TTYH1: variants seen among roughly 807,000 people sequenced by gnomAD.
The protein encoded by TTYH1 is tweety family member 1, also known as protein tweety homolog 1.
Under a neutral mutation model 61.2 loss-of-function variants are expected in TTYH1, and 33 were observed. The ratio of observed to expected loss-of-function variants is 0.54; its 90% confidence interval spans 0.41 to 0.72. The LOEUF is 0.72. Among genes scored for constraint, TTYH1 ranks in the 30% least tolerant of loss-of-function variants. The pLI, the probability that TTYH1 is intolerant of heterozygous loss-of-function variation, is 0.00. For synonymous variants in TTYH1, 308 were observed against 266.4 expected (o/e 1.16, Z -1.52); for missense variants, 538 against 575.8 (o/e 0.93, Z 0.67).
rs1182859841 is a variant in TTYH1, at chr19:54,429,731, TGGG to T, written c.808-149_808-147del. ...CCCTGAGTCTGAGGGACGAGGGGCC[TGGG>T]GCCTGGACTCCTGAGTCTGAGGGAA... is the stretch of plus-strand genomic sequence containing the variant. On this transcript the variant is annotated intron_variant, in intron 6 of 13. Transcript: ENST00000376530. The surrounding 1 kb of genome is among the most constrained non-coding windows in gnomAD (Gnocchi z 5.1). 1.5e-6 allele frequency: 1 copy of T among 675,778 alleles called. No individual in the cohort carries two copies. The highest frequency in any genetic ancestry group is 1.9e-5 in the African/African-American group (1 of 53,254). The allele number at this position is 675,778 out of a possible 1,614,324, so 41.9% of individuals were successfully genotyped here.
chr19:54,416,584 CGTCTTGG>C lies in TTYH1; in HGVS notation c.126+909_126+915del, dbSNP rs1819375238. 2 of 410,226 alleles carry C rather than the reference CGTCTTGG, an allele frequency of 4.9e-6. No homozygotes were observed. Among genetic ancestry groups the C allele is most frequent in the East Asian group, 2.0e-4 (2 of 10,100 alleles). 25.4% of individuals were successfully genotyped at this position (410,226 alleles called of 1,614,324 possible). ...TGATGGGGCCTGAGCCCCTGGGCTCCGTCTTGGGTTGCTCCTGGGAGAAGGGGGCTGG... is the reference window on the plus strand; with the variant it reads ...TGATGGGGCCTGAGCCCCTGGGCTCCGTTGCTCCTGGGAGAAGGGGGCTGG... On this transcript the variant is annotated intron_variant, in intron 1 of 13. Transcript: ENST00000376530. This position sits in a 1 kb window ranked among gnomAD's most constrained non-coding sequence, Gnocchi z 7.0.
At chr19:54,417,028 AC>A in intron 1 of TTYH1, 1 of 1,101,466 alleles carries the variant, frequency 9.1e-7, no homozygotes, top group Non-Finnish European at 1.1e-6. Context: ...GGCAAGGGGG[AC>A]CCCTGCAGGG....
At chr19:54,426,203 G>C (rs189484937) in intron 4 of TTYH1, among the ~76,000 whole-genome samples, 2 of 152,184 alleles carry the variant, frequency 1.3e-5, no homozygotes, top group Admixed American at 6.6e-5. Flanking sequence ...GAGAGGCTAA[G>C]GTTACCGAGA....
At position 54,421,325 on chromosome 19, in the gene TTYH1, G is replaced by A; in HGVS notation, c.354G>A (p.Gly118=). 2 of 1,613,810 alleles carry A rather than the reference G, an allele frequency of 1.2e-6. No individual in the cohort carries two copies. Among genetic ancestry groups the A allele is most frequent in the Non-Finnish European group, 1.7e-6 (2 of 1,179,838 alleles). ...GFYGNSETSD[G]VSQLSSALLH... is the part of the protein sequence containing the mutation. ...ATGGCAACAGTGAGACCAGTGATGG[G>A]GTGTCCCAGCTCAGCTCTGCGCTGC... The change falls in exon 3 of 14, where the codon GGG becomes GGA. Residue 118 remains glycine, a synonymous_variant. Transcript: ENST00000376530. The surrounding 1 kb of genome is among the most constrained non-coding windows in gnomAD (Gnocchi z 4.8).
In TTYH1 at chr19:54,430,559, G is replaced by A. The variant is rs2083415793; in HGVS notation, c.893G>A (p.Ser298Asn). ...CCTCCTCCCACTTCAGACATCCTGAGCTATTATCTCCTCTGCAACCGGGCC... is the reference window on the plus strand; with the variant it reads ...CCTCCTCCCACTTCAGACATCCTGAACTATTATCTCCTCTGCAACCGGGCC... ...EETGLSSDILSYYLLCNRAVS... is the reference protein window; with the variant it reads ...EETGLSSDILNYYLLCNRAVS... Residue 298 changes from serine (S) to asparagine (N), a missense_variant, in exon 8 of 14, where the codon AGC becomes AAC. This residue lies in a region of TTYH1 where 378 missense variants were observed against 401.2 expected (regional missense o/e 0.94). Transcript: ENST00000376530. 3.7e-6 allele frequency: 6 copies of A among 1,613,856 alleles called. No individual in the cohort carries two copies. Among genetic ancestry groups the A allele is most frequent in the African/African-American group, 1.3e-5 (1 of 74,868 alleles).
chr19:54,435,789 C>T (rs2083535639), intron 11 of TTYH1, 39 bp from the exon 12 acceptor site: 1 of 1,613,630 alleles, frequency 6.2e-7, no homozygotes, highest in Non-Finnish European at 8.5e-7. Flanking sequence ...TGATGGGTCC[C>T]CATCCCGCCT....
Position 54,429,851 on chromosome 19 carries a change from G to C in TTYH1, c.808-31G>C, listed in dbSNP as rs908320693. ...GAGTGTGGAATCGGGGCAGTTTTGG[G>C]TTTGAGCCCCTTTTCTGCTGCCTCA... On this transcript the variant is annotated intron_variant, in intron 6 of 13. Coordinates refer to ENST00000376530, the MANE Select transcript of TTYH1 (RefSeq NM_020659.4). The surrounding 1 kb of genome is among the most constrained non-coding windows in gnomAD (Gnocchi z 5.1). The C allele has an allele frequency of 3.1e-6, 5 of 1,608,748 alleles. No individual in the cohort carries two copies. In the African/African-American group the frequency reaches 5.4e-5, roughly 17 times the overall value.
chr19:54,424,546 T>C (rs1569258170), intron 4 of TTYH1, among the ~76,000 whole-genome samples: 1 of 152,178 alleles, frequency 6.6e-6, no homozygotes, highest in Non-Finnish European at 1.5e-5. Context: ...GGTTCTGCAT[T>C]GTGGTCAGGC....
chr19:54,417,576 A>G (rs185430523), intron 1 of TTYH1, among the ~76,000 whole-genome samples: 77 of 152,172 alleles, frequency 5.1e-4, no homozygotes, highest in Middle Eastern at 3.4e-3. Flanking sequence ...CTCACAACAC[A>G]CACATACACA....
chr19:54,425,635 C>T (rs1272482917), intron 4 of TTYH1, among the ~76,000 whole-genome samples: 1 of 152,146 alleles, frequency 6.6e-6, no homozygotes, highest in Non-Finnish European at 1.5e-5. Context: ...CCAGCTAGTC[C>T]TGTCTCTCAC....
chr19:54,421,420 C>G lies in TTYH1; in HGVS notation c.417+32C>G, dbSNP rs1481965744. On this transcript the variant is annotated intron_variant, in intron 3 of 13. Coordinates refer to ENST00000376530, the MANE Select transcript of TTYH1 (RefSeq NM_020659.4). This position sits in a 1 kb window ranked among gnomAD's most constrained non-coding sequence, Gnocchi z 4.8. ...GGCCAGCAACCAGTGGGACCCCAGACCCACACCTGGACGGGCTCCCCACAC... is the reference window on the plus strand; with the variant it reads ...GGCCAGCAACCAGTGGGACCCCAGAGCCACACCTGGACGGGCTCCCCACAC... The G allele has an allele frequency of 6.9e-7, 1 of 1,452,968 alleles. No individual in the cohort carries two copies. Among genetic ancestry groups the G allele is most frequent in the South Asian group, 1.1e-5 (1 of 88,064 alleles). The allele number at this position is 1,452,968 out of a possible 1,614,324, so 90.0% of individuals were successfully genotyped here. A position where few individuals can be genotyped will look rare whatever the true frequency, so the allele number is the denominator to read the frequency against.
intron 5 of TTYH1, among the ~76,000 whole-genome samples, chr19:54,427,378 G>T (rs2083343805): frequency 6.7e-6 from 1 of 149,598 alleles, no homozygotes; most frequent in African/African-American, 2.5e-5. Context: ...GGCCGAGGAG[G>T]GCGGATCACG....
Position 54,416,820 on chromosome 19 carries a change from A to G in TTYH1, c.126+1142A>G. ...GGTTACACAACGGCCACCTCCAACA[A>G]CGCCGCTCCACCGGCTCCGGCCTCG... On this transcript the variant is annotated intron_variant, in intron 1 of 13. Coordinates refer to ENST00000376530, the MANE Select transcript of TTYH1 (RefSeq NM_020659.4). This position sits in a 1 kb window ranked among gnomAD's most constrained non-coding sequence, Gnocchi z 7.0. 1 of 1,293,324 alleles carries G rather than the reference A, an allele frequency of 7.7e-7. No homozygotes were observed. Among genetic ancestry groups the G allele is most frequent in the Non-Finnish European group, 1.0e-6 (1 of 988,584 alleles). 80.1% of individuals were successfully genotyped at this position (1,293,324 alleles called of 1,614,324 possible). A position where few individuals can be genotyped will look rare whatever the true frequency, so the allele number is the denominator to read the frequency against.
chr19:54,436,284 G>T lies in TTYH1; in HGVS notation c.*43-49G>T. ...CCTCCTGCTGGGTGGATCGCACCGG[G>T]CAGGCCCTCCAGCCTGCATCACTGC... On this transcript the variant is annotated intron_variant, in intron 13 of 13. Transcript: ENST00000376530. This position sits in a 1 kb window ranked among gnomAD's most constrained non-coding sequence, Gnocchi z 4.3. 6.2e-7 allele frequency: 1 copy of T among 1,613,534 alleles called. No individual in the cohort carries two copies. The highest frequency in any genetic ancestry group is 1.1e-5 in the South Asian group (1 of 91,062).
At position 54,416,340 on chromosome 19, in the gene TTYH1, C is replaced by A; in HGVS notation, c.126+662C>A. On this transcript the variant is annotated intron_variant, in intron 1 of 13. Coordinates refer to ENST00000376530, the MANE Select transcript of TTYH1 (RefSeq NM_020659.4). This position sits in a 1 kb window ranked among gnomAD's most constrained non-coding sequence, Gnocchi z 7.0. ...GAGCCTCGGGATGACAGACCCGGGT[C>A]CCGAGGGTGGGGCCGGTGTGGGAAC... 1 of 247,404 alleles carries A rather than the reference C, an allele frequency of 4.0e-6. No homozygotes were observed. 15.3% of individuals were successfully genotyped at this position (247,404 alleles called of 1,614,324 possible).
At chr19:54,417,883 G>A (rs2083121790) in intron 1 of TTYH1, among the ~76,000 whole-genome samples, 1 of 152,082 alleles carries the variant, frequency 6.6e-6, no homozygotes, top group African/African-American at 2.4e-5. Context: ...GCCCACAGAT[G>A]TTCTCATTTG....
chr19:54,435,483 A>G (rs1249889628), intron 10 of TTYH1, 59 bp from the exon 11 acceptor site: 1 of 1,532,304 alleles, frequency 6.5e-7, no homozygotes, highest in African/African-American at 1.4e-5. Flanking sequence ...TGATGTGCAC[A>G]GTGTGTGCCG....
In TTYH1 at chr19:54,429,971, G is replaced by GC; in HGVS notation, c.883+17dup. The stretch of plus-strand genomic sequence containing the variant: ...GGCTCAGCTCAGGTGATTTCCAAGG[G>GC]CCCGGTGGGTCCGCCGGGTTGGGCA... On this transcript the variant is annotated intron_variant, in intron 7 of 13. Transcript: ENST00000376530. This position sits in a 1 kb window ranked among gnomAD's most constrained non-coding sequence, Gnocchi z 5.1. 6.2e-7 allele frequency: 1 copy of GC among 1,612,342 alleles called. No individual in the cohort carries two copies. Among genetic ancestry groups the GC allele is most frequent in the Non-Finnish European group, 8.5e-7 (1 of 1,178,654 alleles).
In TTYH1 at chr19:54,420,888, G is replaced by A. The variant is rs566959745; in HGVS notation, c.306-389G>A. On this transcript the variant is annotated intron_variant, in intron 2 of 13. Coordinates refer to ENST00000376530, the MANE Select transcript of TTYH1 (RefSeq NM_020659.4). The surrounding 1 kb of genome is among the most constrained non-coding windows in gnomAD (Gnocchi z 4.8). ...GCACCCTAGGACAGGTGCCAGGAGG[G>A]CTGCCTGCCTGGCAAAGGATGCGGG... The A allele has an allele frequency of 5.2e-4, 156 of 298,878 alleles. 5 individuals are homozygous for A. In the East Asian group the frequency reaches 0.012, roughly 22 times the overall value. The allele number at this position is 298,878 out of a possible 1,614,324, so 18.5% of individuals were successfully genotyped here. A position where few individuals can be genotyped will look rare whatever the true frequency, so the allele number is the denominator to read the frequency against.
Sources: allele counts gnomAD v4.1 joint callset (sites outside exome capture counted in the v4.1 genomes callset), GRCh38; gene constraint gnomAD v4.1.1; regional missense constraint gnomAD v4.1.1; non-coding constraint Gnocchi (gnomAD v3.1); transcripts MANE v1.5; gene names NCBI Gene and HGNC (gene_info 2026-07-23, HGNC 2026-07-21).